The following OPCML variants were observed in gnomAD, a reference collection of about 807,000 sequenced individuals.
The protein encoded by OPCML is opioid binding protein/cell adhesion molecule like, also known as opioid-binding protein/cell adhesion molecule.
Under a neutral mutation model 37.8 loss-of-function variants are expected in OPCML, and 13 were observed. The ratio of observed to expected loss-of-function variants is 0.34; its 90% CI spans 0.22 to 0.55. OPCML has a LOEUF of 0.55. OPCML is among the 20% of genes least tolerant of loss of function. The pLI, the probability that OPCML is intolerant of heterozygous loss-of-function variation, is 0.91. For synonymous variants in OPCML, 176 were observed against 168.8 expected (o/e 1.04, Z -0.33); for missense variants, 341 against 435.6 (o/e 0.78, Z 1.93).
At chr11:133,088,191 A>G (rs955445404) in intron 1 of OPCML, among the ~76,000 whole-genome samples, 4 of 152,028 alleles carry the variant, frequency 2.6e-5, no homozygotes, top group Non-Finnish European at 4.4e-5. Flanking sequence ...ACACAAAATA[A>G]CCATGAACCT....
chr11:133,223,974 G>A (rs1447999591), intron 1 of OPCML, among the ~76,000 whole-genome samples: 2 of 152,196 alleles, frequency 1.3e-5, no homozygotes, highest in Non-Finnish European at 2.9e-5. Context: ...TGTAGGCCCT[G>A]GTTTTGGCCC....
At chr11:132,758,866 C>T (rs1356683303) in intron 2 of OPCML, among the ~76,000 whole-genome samples, 2 of 152,166 alleles carry the variant, frequency 1.3e-5, no homozygotes, top group East Asian at 3.8e-4. Context: ...AGAGGGCATC[C>T]TTGTCTTGTG....
At chr11:132,802,842 G>GA (rs1390013211) in intron 2 of OPCML, among the ~76,000 whole-genome samples, 1 of 152,094 alleles carries the variant, frequency 6.6e-6, no homozygotes, top group Non-Finnish European at 1.5e-5. Flanking sequence ...AGGTAGATGG[G>GA]AAAAGAAAGA....
intron 4 of OPCML, among the ~76,000 whole-genome samples, chr11:132,510,403 G>T (rs2096266373): frequency 6.6e-6 from 1 of 152,072 alleles, no homozygotes; most frequent in South Asian, 2.1e-4. Flanking sequence ...GAAATGTGAG[G>T]ACATGAGATT....
At chr11:132,760,933 G>A (rs916877358) in intron 2 of OPCML, among the ~76,000 whole-genome samples, 2 of 152,148 alleles carry the variant, frequency 1.3e-5, no homozygotes, top group African/African-American at 4.8e-5. Flanking sequence ...GCAGTGGCTG[G>A]TACCAGTTTT....
chr11:132,677,489 G>A (rs1412960584), intron 2 of OPCML, among the ~76,000 whole-genome samples: 1 of 152,154 alleles, frequency 6.6e-6, no homozygotes, highest in African/African-American at 2.4e-5. Flanking sequence ...AGAACTGACA[G>A]TACCTGGCTT....
At chr11:132,653,039 T>A (rs548844510) in intron 3 of OPCML, among the ~76,000 whole-genome samples, 1 of 152,324 alleles carries the variant, frequency 6.6e-6, no homozygotes, top group South Asian at 2.1e-4. Flanking sequence ...GCCAGGAAAT[T>A]CATGCTGAAT....
chr11:133,529,616 A>G (rs1004223326), intron 1 of OPCML, among the ~76,000 whole-genome samples: 2 of 152,206 alleles, frequency 1.3e-5, no homozygotes, highest in African/African-American at 4.8e-5. Context: ...TCTGGGATGG[A>G]TACATGTTTT....
chr11:132,715,235 C>T (rs1183960531), intron 2 of OPCML, among the ~76,000 whole-genome samples: 3 of 152,344 alleles, frequency 2.0e-5, no homozygotes, highest in East Asian at 1.9e-4. Flanking sequence ...GGCTCACTCA[C>T]TTACTCATCT....
chr11:132,980,776 C>A (rs1946563495), intron 1 of OPCML, among the ~76,000 whole-genome samples: 1 of 152,180 alleles, frequency 6.6e-6, no homozygotes, highest in Non-Finnish European at 1.5e-5. Flanking sequence ...ACAACGGGCC[C>A]AAGGGTTTCC....
At chr11:132,541,666 G>T (rs1250611209) in intron 3 of OPCML, among the ~76,000 whole-genome samples, 1 of 152,126 alleles carries the variant, frequency 6.6e-6, no homozygotes, top group South Asian at 2.1e-4. Context: ...TTAAGGATTA[G>T]GTACTAGAAG....
chr11:132,613,893 T>A (rs751314102), intron 3 of OPCML, among the ~76,000 whole-genome samples: 2 of 152,134 alleles, frequency 1.3e-5, no homozygotes, highest in Non-Finnish European at 2.9e-5. Flanking sequence ...AAACCTCTTC[T>A]GGGGATGCAC....
At chr11:133,333,643 A>G (rs1265424569) in intron 1 of OPCML, among the ~76,000 whole-genome samples, 1 of 152,246 alleles carries the variant, frequency 6.6e-6, no homozygotes, top group African/African-American at 2.4e-5. Context: ...GACAAATGGG[A>G]TCTAATTAAA....
Position 132,436,255 on chromosome 11 carries a change from T to A in OPCML, c.765-18A>T. On this transcript the variant is annotated intron_variant, in intron 6 of 7. Coordinates refer to ENST00000524381, the MANE Select transcript of OPCML (RefSeq NM_001012393.5). ...TGGCTAACCTGCAAGAGGGAAGACA[T>A]TGCTATCAATTCATTCTACAAAGAG... The A allele has an allele frequency of 6.2e-7, 1 of 1,614,098 alleles. No individual in the cohort carries two copies. Among genetic ancestry groups the A allele is most frequent in the Non-Finnish European group, 8.5e-7 (1 of 1,180,014 alleles).
chr11:132,821,990 A>G (rs542296993), intron 2 of OPCML, among the ~76,000 whole-genome samples: 1 of 152,354 alleles, frequency 6.6e-6, no homozygotes, highest in East Asian at 1.9e-4. Flanking sequence ...AGTGAAACCA[A>G]ATAAAAATGG....
At chr11:132,467,301 G>A (rs548142965) in intron 4 of OPCML, among the ~76,000 whole-genome samples, 3 of 152,162 alleles carry the variant, frequency 2.0e-5, no homozygotes, top group African/African-American at 4.8e-5. Context: ...AAGAGTTCCC[G>A]TCACCTGAGA....
chr11:133,458,026 A>G (rs1251207618), intron 1 of OPCML, among the ~76,000 whole-genome samples: 2 of 151,958 alleles, frequency 1.3e-5, no homozygotes, highest in Non-Finnish European at 2.9e-5. Flanking sequence ...TGCACCTGCA[A>G]TCCGAGCTAC....
At chr11:132,665,667 A>G (rs1263966052) in intron 2 of OPCML, among the ~76,000 whole-genome samples, 1 of 152,198 alleles carries the variant, frequency 6.6e-6, no homozygotes, top group Non-Finnish European at 1.5e-5. Context: ...GAAAGGCCAG[A>G]GAAAGCTCTC....
At chr11:132,638,931 A>G (rs142086594) in intron 3 of OPCML, among the ~76,000 whole-genome samples, 2 of 152,280 alleles carry the variant, frequency 1.3e-5, no homozygotes, top group Non-Finnish European at 1.5e-5. Context: ...CTGCATTGTC[A>G]TAGTCTCAGT....
Sources: allele counts gnomAD v4.1 joint callset (sites outside exome capture counted in the v4.1 genomes callset), GRCh38; gene constraint gnomAD v4.1.1; transcripts MANE v1.5; gene names NCBI Gene and HGNC (gene_info 2026-07-23, HGNC 2026-07-21).